Variants in ARHGEF26 observed in about 807,000 individuals in gnomAD.
ARHGEF26 encodes the protein Rho guanine nucleotide exchange factor 26.
Under a neutral mutation model 89.4 loss-of-function variants are expected in ARHGEF26, and 59 were observed. The ratio of observed to expected loss-of-function variants is 0.66; its 90% CI spans 0.54 to 0.82. The LOEUF (loss-of-function observed/expected upper bound fraction) is 0.82, where lower values mean the gene tolerates loss of function less well. ARHGEF26 is among the 40% of genes least tolerant of loss of function. The pLI is 0.00. For missense variants in ARHGEF26, 1,234 were observed against 1,085.6 expected (o/e 1.14, Z -1.92); for synonymous variants, 500 against 428.4 (o/e 1.17, Z -2.06).
At chr3:154,206,649 G>A (rs923552802) in intron 9 of ARHGEF26, among the ~76,000 whole-genome samples, 1 of 152,188 alleles carries the variant, frequency 6.6e-6, no homozygotes, top group African/African-American at 2.4e-5. Flanking sequence ...CATGCTCATG[G>A]ATGGGAAGAA....
chr3:154,190,998 T>C (rs1713920205), intron 7 of ARHGEF26, among the ~76,000 whole-genome samples: 1 of 152,214 alleles, frequency 6.6e-6, no homozygotes, highest in South Asian at 2.1e-4. Flanking sequence ...ATACCACAGC[T>C]TCTTCATTTG....
intron 4 of ARHGEF26, among the ~76,000 whole-genome samples, chr3:154,137,156 AATT>A (rs1182731808): frequency 1.2e-4 from 19 of 152,180 alleles, no homozygotes; most frequent in Admixed American, 1.2e-3. Flanking sequence ...TTTAAGAAGT[AATT>A]AGATCATGAG....
chr3:154,163,439 A>G (rs564549073), intron 6 of ARHGEF26, among the ~76,000 whole-genome samples: 25 of 152,288 alleles, frequency 1.6e-4, no homozygotes, highest in African/African-American at 6.0e-4. Context: ...TTCATAATGT[A>G]TTGGCATAGA....
At chr3:154,142,008 A>T (rs940484455) in intron 4 of ARHGEF26, among the ~76,000 whole-genome samples, 2 of 152,178 alleles carry the variant, frequency 1.3e-5, no homozygotes, top group African/African-American at 4.8e-5. Flanking sequence ...CTAGAGCAGA[A>T]GACAATAGAA....
chr3:154,217,744 G>T, intron 9 of ARHGEF26, 125 bp from the exon 10 acceptor site: 1 of 714,586 alleles, frequency 1.4e-6, no homozygotes, highest in Non-Finnish European at 2.4e-6. Flanking sequence ...AAAACTGTGA[G>T]TTCTCTGTCA....
In ARHGEF26 at chr3:154,122,917, C is replaced by T. The variant is rs1269670774; in HGVS notation, c.925C>T (p.Arg309Trp). The change falls in exon 2 of 15, where the codon CGG (arginine) becomes TGG (tryptophan). Residue 309 changes from arginine to tryptophan, a missense_variant. Coordinates refer to ENST00000465093, the MANE Select transcript of ARHGEF26 (RefSeq NM_015595.4). Reference sequence around the variant, plus strand: ...CGACGTGGATAGCCCAGGGTCTCTGCGGAGAGGCTTGCGGTCCACGTCTTA... The same window carrying T: ...CGACGTGGATAGCCCAGGGTCTCTGTGGAGAGGCTTGCGGTCCACGTCTTA... ...DNDVDSPGSL[R>W]RGLRSTSYRR... 2.5e-6 allele frequency: 4 copies of T among 1,613,398 alleles called. No individual in the cohort carries two copies. The East Asian group carries it at 6.7e-5, about 27-fold the overall frequency.
At chr3:154,220,041 G>A (rs1228695331) in intron 10 of ARHGEF26, among the ~76,000 whole-genome samples, 2 of 152,172 alleles carry the variant, frequency 1.3e-5, no homozygotes, top group Non-Finnish European at 2.9e-5. Context: ...TTACAGTGGA[G>A]CACCTCATTT....
intron 13 of ARHGEF26, 42 bp from the exon 14 acceptor site, chr3:154,254,678 T>C (rs755339827): frequency 3.3e-6 from 5 of 1,502,894 alleles, no homozygotes; most frequent in Non-Finnish European, 4.6e-6. Flanking sequence ...ACATGTTTTT[T>C]CTCTGCTACT....
At chr3:154,191,050 T>C (rs1043870082) in intron 7 of ARHGEF26, among the ~76,000 whole-genome samples, 2 of 152,228 alleles carry the variant, frequency 1.3e-5, no homozygotes, top group Non-Finnish European at 2.9e-5. Flanking sequence ...CTACATGTTT[T>C]GCCTTATTGT....
rs1717958387 is a variant in ARHGEF26, at chr3:154,122,000, G to T, written c.8G>T (p.Gly3Val). The T allele has an allele frequency of 6.3e-7, 1 of 1,591,060 alleles. No homozygotes were observed. Among genetic ancestry groups the T allele is most frequent in the Admixed American group, 1.7e-5 (1 of 59,150 alleles). The change falls in exon 2 of 15, where the codon GGC becomes GTC. Residue 3 changes from glycine (G) to valine (V), a missense_variant. By Grantham distance (109) the Gly-to-Val change is moderately radical. Coordinates refer to ENST00000465093, the MANE Select transcript of ARHGEF26 (RefSeq NM_015595.4). ...TGACTTCGAGGCCCGGCTATGGACG[G>T]CGAGAGCGAGGTGGATTTTTCTAGC... is the stretch of plus-strand genomic sequence containing the variant. The part of the protein sequence containing the change: MD[G>V]ESEVDFSSNS...
At position 154,122,087 on chromosome 3, in the gene ARHGEF26, G is replaced by C. The variant is rs772537950; in HGVS notation, c.95G>C (p.Arg32Pro). 6.2e-7 allele frequency: 1 copy of C among 1,611,332 alleles called. No individual in the cohort carries two copies. Among genetic ancestry groups the C allele is most frequent in the South Asian group, 1.1e-5 (1 of 90,600 alleles). ...CCTCAGCCCCACCAGGTTCTGGGCC[G>C]GAGCAAGCCGAGGCCCCAGTCCTAC... ...SIPQPHQVLG[R>P]SKPRPQSYQS... The change falls in exon 2 of 15, where the codon CGG becomes CCG. Residue 32 changes from arginine (R) to proline (P), a missense_variant. By Grantham distance (103) the Arg-to-Pro change is moderately radical. Coordinates refer to ENST00000465093, the MANE Select transcript of ARHGEF26 (RefSeq NM_015595.4).
In ARHGEF26 at chr3:154,122,006, G is replaced by A; in HGVS notation, c.14G>A (p.Ser5Asn). Reference protein sequence around the residue: MDGESEVDFSSNSIT... With the variant: MDGENEVDFSSNSIT... ...CGAGGCCCGGCTATGGACGGCGAGA[G>A]CGAGGTGGATTTTTCTAGCAACAGC... Residue 5 changes from serine (S) to asparagine (N), a missense_variant, in exon 2 of 15, where the codon AGC (serine) becomes AAC (asparagine). Coordinates refer to ENST00000465093, the MANE Select transcript of ARHGEF26 (RefSeq NM_015595.4). 1.9e-6 allele frequency: 3 copies of A among 1,593,176 alleles called. No homozygotes were observed. The highest frequency in any genetic ancestry group is 2.2e-5 in the South Asian group (2 of 90,304).
intron 9 of ARHGEF26, among the ~76,000 whole-genome samples, chr3:154,212,466 T>C (rs867556213): frequency 2.6e-5 from 4 of 152,150 alleles, no homozygotes; most frequent in African/African-American, 2.4e-5. Flanking sequence ...TGTCATTCTA[T>C]TTTGTATCCT....
chr3:154,199,816 T>A (rs1714517979), intron 9 of ARHGEF26, among the ~76,000 whole-genome samples: 1 of 152,174 alleles, frequency 6.6e-6, no homozygotes, highest in Non-Finnish European at 1.5e-5. Flanking sequence ...TAATGATCAG[T>A]GATGTTGACC....
chr3:154,162,811 A>C (rs2108120809), intron 6 of ARHGEF26, among the ~76,000 whole-genome samples: 1 of 152,176 alleles, frequency 6.6e-6, no homozygotes, highest in Admixed American at 6.5e-5. Flanking sequence ...GAACTGGAAT[A>C]AGATGCTTGG....
chr3:154,244,052 T>G (rs1306181215), intron 12 of ARHGEF26, among the ~76,000 whole-genome samples: 1 of 152,200 alleles, frequency 6.6e-6, no homozygotes, highest in African/African-American at 2.4e-5. Context: ...TATGTCTTTT[T>G]GGTTAATATG....
intron 10 of ARHGEF26, among the ~76,000 whole-genome samples, chr3:154,219,077 T>A (rs1221542246): frequency 6.6e-6 from 1 of 152,180 alleles, no homozygotes; most frequent in Non-Finnish European, 1.5e-5. Flanking sequence ...CTTTAAATAG[T>A]TTTAATGTTC....
chr3:154,203,353 T>A (rs1714780651), intron 9 of ARHGEF26, among the ~76,000 whole-genome samples: 1 of 152,180 alleles, frequency 6.6e-6, no homozygotes, highest in Non-Finnish European at 1.5e-5. Context: ...GAAGCCCACT[T>A]GATCATGGTG....
intron 12 of ARHGEF26, among the ~76,000 whole-genome samples, chr3:154,244,972 T>C (rs996578452): frequency 1.3e-5 from 2 of 152,172 alleles, no homozygotes; most frequent in African/African-American, 4.8e-5. Context: ...TCAGTCGCTA[T>C]TAACTGTGAG....
Sources: gnomAD v4.1 joint callset for allele counts (sites outside exome capture counted in the v4.1 genomes callset) on GRCh38, gnomAD v4.1.1 for gene constraint, MANE v1.5 for transcripts, NCBI Gene and HGNC (gene_info 2026-07-23, HGNC 2026-07-21) for gene names.